SUN2: variants seen among roughly 807,000 people sequenced by gnomAD.
SUN2 encodes Sad1 and UNC84 domain containing 2, also known as SUN domain-containing protein 2.
Under a neutral mutation model 100.0 loss-of-function variants are expected in SUN2, and 60 were observed. That is an observed-to-expected ratio of 0.60 (90% CI 0.49 to 0.74). The LOEUF (loss-of-function observed/expected upper bound fraction) is 0.74, where lower values mean the gene tolerates loss of function less well. Among genes scored for constraint, SUN2 ranks in the 30% least tolerant of loss-of-function variants. The pLI is 0.00. For missense variants in SUN2, 834 were observed against 954.6 expected, an observed-to-expected ratio of 0.87 and a Z score of 1.66; for synonymous variants, 367 against 403.3, an observed-to-expected ratio of 0.91 and a Z score of 1.08.
Position 38,755,338 on chromosome 22 carries a change from T to A in SUN2, c.-38+425A>T, listed in dbSNP as rs758349110. 4.1e-5 allele frequency: 45 copies of A among 1,092,090 alleles called. No homozygotes were observed. The highest frequency in any genetic ancestry group is 5.0e-5 in the Non-Finnish European group (45 of 891,964). 67.6% of individuals were successfully genotyped at this position (1,092,090 alleles called of 1,614,324 possible). A position where few individuals can be genotyped will look rare whatever the true frequency, so the allele number is the denominator to read the frequency against. On this transcript the variant is annotated intron_variant, in intron 1 of 17. Coordinates refer to ENST00000689035, the MANE Select transcript of SUN2 (RefSeq NM_015374.3). The surrounding 1 kb of genome is among the most constrained non-coding windows in gnomAD (Gnocchi z 5.7). The stretch of plus-strand genomic sequence containing the variant: ...AGTCACACCGCGCCCCCCATTGCTT[T>A]GTTTTGTTTTGTTTTAGAACTGAAC...
intron 7 of SUN2, among the ~76,000 whole-genome samples, 190 bp downstream of exon 7, chr22:38,748,523 A>C: frequency 6.6e-6 from 1 of 152,176 alleles, no homozygotes; most frequent in East Asian, 1.9e-4. Flanking sequence ...GCTCCTGCCC[A>C]GGGCGGCACA....
chr22:38,740,266 C>A lies in SUN2; in HGVS notation c.1356+1G>T. The A allele has an allele frequency of 1.3e-6, 2 of 1,572,222 alleles. No homozygotes were observed. Among genetic ancestry groups the A allele is most frequent in the Admixed American group, 1.8e-5 (1 of 55,888 alleles). On this transcript the variant is annotated splice_donor_variant, in intron 12 of 17. Transcript: ENST00000689035. LOFTEE classifies it high-confidence loss of function. The surrounding 1 kb of genome is among the most constrained non-coding windows in gnomAD (Gnocchi z 4.8). Reference sequence around the variant, plus strand: ...GCAGGGCCCTGGTGGTTCCCACTCACGTCGTCCCGCACGGCCTGGATCTGC... The same window carrying A: ...GCAGGGCCCTGGTGGTTCCCACTCAAGTCGTCCCGCACGGCCTGGATCTGC...
chr22:38,749,841 A>G lies in SUN2; in HGVS notation c.539T>C (p.Leu180Pro), dbSNP rs2092930754. Residue 180 changes from leucine (L) to proline (P), a missense_variant, in exon 6 of 18, where the codon CTC (leucine) becomes CCC (proline). By Grantham distance (98) the Leu-to-Pro change is moderately conservative. Transcript: ENST00000689035. ...CCAGGTGGTGCCAGCCCACCAGTAGAGAAGTCTGAAGAGCCGGCCTGGAAG... is the reference window on the plus strand; with the variant it reads ...CCAGGTGGTGCCAGCCCACCAGTAGGGAAGTCTGAAGAGCCGGCCTGGAAG... Reference protein sequence around the residue: ...ATSPGRLFRLLYWWAGTTWYR... With the variant: ...ATSPGRLFRLPYWWAGTTWYR... 8 of 1,613,718 alleles carry G rather than the reference A, an allele frequency of 5.0e-6. No homozygotes were observed. The highest frequency in any genetic ancestry group is 6.8e-6 in the Non-Finnish European group (8 of 1,179,876).
rs569837469 is a variant in SUN2, at chr22:38,740,285, G to A, written c.1338C>T (p.Ile446=). ...AEEVGLLPQQ[I]QAVRDDVESQ... ...CACTCACGTCGTCCCGCACGGCCTG[G>A]ATCTGCTGGGGCAGCAGGCCCACTT... Residue 446 remains isoleucine (I), a synonymous_variant, in exon 12 of 18, where the codon ATC becomes ATT. Transcript: ENST00000689035. This position sits in a 1 kb window ranked among gnomAD's most constrained non-coding sequence, Gnocchi z 4.8. 16 of 1,600,204 alleles carry A rather than the reference G, an allele frequency of 1.0e-5. No homozygotes were observed. The highest frequency in any genetic ancestry group is 2.0e-4 in the Middle Eastern group (1 of 4,964).
chr22:38,749,087 G>GAA, intron 6 of SUN2: 1 of 336,578 alleles, frequency 3.0e-6, no homozygotes, highest in Non-Finnish European at 5.5e-6. Context: ...TGCAAATATA[G>GAA]AAAAAAAAAG....
chr22:38,743,582 C>T (rs966772304), intron 8 of SUN2: 10 of 101,726 alleles, frequency 9.8e-5, no homozygotes, highest in Non-Finnish European at 1.7e-4. Flanking sequence ...AGCAAGACTC[C>T]GTCTCAAAAA....
intron 9 of SUN2, 57 bp from the exon 10 acceptor site, chr22:38,741,628 A>C: frequency 5.7e-5 from 85 of 1,501,474 alleles, no homozygotes; most frequent in Non-Finnish European, 7.1e-5. Context: ...AGGGACCCTC[A>C]TGACTAGGAA....
At position 38,752,614 on chromosome 22, in the gene SUN2, GCTT is replaced by G. The variant is rs2092955219; in HGVS notation, c.12_14del (p.Arg4del). ...CCTGGGAGTAGCGCGTGAGGCGCTGGCTTCTTCGGGACATGATGAGGTGGGATG... is the reference window on the plus strand; with the variant it reads ...CCTGGGAGTAGCGCGTGAGGCGCTGGCTTCGGGACATGATGAGGTGGGATG... On this transcript the variant is annotated inframe_deletion, in exon 2 of 18. Coordinates refer to ENST00000689035, the MANE Select transcript of SUN2 (RefSeq NM_015374.3). 1 of 1,613,682 alleles carries G rather than the reference GCTT, an allele frequency of 6.2e-7. No individual in the cohort carries two copies. Among genetic ancestry groups the G allele is most frequent in the Non-Finnish European group, 8.5e-7 (1 of 1,179,954 alleles).
Position 38,738,768 on chromosome 22 carries a change from A to C in SUN2, c.1780-14T>G, listed in dbSNP as rs375644527. The C allele has an allele frequency of 1.2e-6, 2 of 1,612,468 alleles. No homozygotes were observed. The highest frequency in any genetic ancestry group is 1.7e-6 in the Non-Finnish European group (2 of 1,179,278). On this transcript the variant is annotated splice_polypyrimidine_tract_variant and intron_variant, in intron 15 of 17. Coordinates refer to ENST00000689035, the MANE Select transcript of SUN2 (RefSeq NM_015374.3). The surrounding 1 kb of genome is among the most constrained non-coding windows in gnomAD (Gnocchi z 6.6). ...GTGCACATCTGGCTGGAGGAGCAGA[A>C]AGTCATGTCAGGACAGGGCCCTGAG...
intron 6 of SUN2, 127 bp downstream of exon 6, chr22:38,749,639 G>A (rs761571218): frequency 2.1e-5 from 18 of 844,254 alleles, no homozygotes; most frequent in Non-Finnish European, 2.4e-5. Flanking sequence ...CTCCGTGATC[G>A]CTAATAAAGG....
Position 38,739,104 on chromosome 22 carries a change from C to A in SUN2, c.1664-116G>T, listed in dbSNP as rs2092832370. 11 of 1,108,084 alleles carry A rather than the reference C, an allele frequency of 9.9e-6. No individual in the cohort carries two copies. The highest frequency in any genetic ancestry group is 1.5e-5 in the Non-Finnish European group (11 of 750,898). 68.6% of individuals were successfully genotyped at this position (1,108,084 alleles called of 1,614,324 possible). On this transcript the variant is annotated intron_variant, in intron 14 of 17. Transcript: ENST00000689035. This position sits in a 1 kb window ranked among gnomAD's most constrained non-coding sequence, Gnocchi z 6.7. ...CAGATGCCCCAGGCCTAGCCTTTAA[C>A]CCTAACCGAGATGCTCAGAGCAGCT...
chr22:38,747,111 C>G (rs1435920515), intron 7 of SUN2, among the ~76,000 whole-genome samples: 4 of 152,138 alleles, frequency 2.6e-5, no homozygotes, highest in African/African-American at 9.7e-5. Context: ...GCAGGTGGAT[C>G]ACTTGAGGTC....
Position 38,739,238 on chromosome 22 carries a change from C to A in SUN2, c.1663+104G>T. The A allele has an allele frequency of 2.3e-6, 3 of 1,316,894 alleles. No homozygotes were observed. The highest frequency in any genetic ancestry group is 3.3e-6 in the Non-Finnish European group (3 of 913,476). 81.6% of individuals were successfully genotyped at this position (1,316,894 alleles called of 1,614,324 possible). A position where few individuals can be genotyped will look rare whatever the true frequency, so the allele number is the denominator to read the frequency against. On this transcript the variant is annotated intron_variant, in intron 14 of 17. Transcript: ENST00000689035. This position sits in a 1 kb window ranked among gnomAD's most constrained non-coding sequence, Gnocchi z 6.7. ...ACTAGGTTGGGTGATTTCTGCTGAT[C>A]CTGAGCTTTGCTTGCTCTGCCCCAC...
chr22:38,741,026 G>GC lies in SUN2; in HGVS notation c.1170dup (p.Leu391AlafsTer151). 6.3e-7 allele frequency: 1 copy of GC among 1,597,990 alleles called. No homozygotes were observed. On this transcript the variant is annotated frameshift_variant, in exon 11 of 18. Coordinates refer to ENST00000689035, the MANE Select transcript of SUN2 (RefSeq NM_015374.3). LOFTEE classifies it high-confidence loss of function. ...CAGTACCTTTGCCACTCTGACTTCA[G>GC]CTGCTGGATGCGAGCCTCGGACTCC...
intron 9 of SUN2, 140 bp downstream of exon 9, chr22:38,742,156 AAAAAG>A: frequency 4.4e-6 from 5 of 1,123,758 alleles, no homozygotes; most frequent in African/African-American, 1.6e-5. Context: ...AAGAAAAAAA[AAAAAG>A]AAAAAAAGAG....
rs2092828198 is a variant in SUN2 at position 38,738,671 on chromosome 22, G to A, written c.1863C>T (p.Pro621=). The stretch of plus-strand genomic sequence containing the variant: ...GCACATGCTCTAAGGTAACGGCTGT[G>A]GGGCGGATGCGGGCAGAGAGGCGGA... ...AVVRLSARIR[P]TAVTLEHVPK... The change falls in exon 16 of 18, where the codon CCC becomes CCT. Residue 621 remains proline (P), a synonymous_variant. Coordinates refer to ENST00000689035, the MANE Select transcript of SUN2 (RefSeq NM_015374.3). This position sits in a 1 kb window ranked among gnomAD's most constrained non-coding sequence, Gnocchi z 6.6. The A allele has an allele frequency of 1.2e-6, 2 of 1,613,974 alleles. No homozygotes were observed.
rs1305439609 is a variant in SUN2, at chr22:38,750,971, C to T, written c.351G>A (p.Gly117=). ...TGGSESSRAS[G]LVGRKATEDF... is the part of the protein sequence containing the mutation. ...CCTCGGTGGCCTTGCGCCCCACAAG[C>T]CCGCTGGCCCTGCTGCTCTCTGAGC... Residue 117 remains glycine, a synonymous_variant, in exon 4 of 18, where the codon GGG becomes GGA. Transcript: ENST00000689035. The T allele has an allele frequency of 6.2e-7, 1 of 1,613,812 alleles. No individual in the cohort carries two copies. Among genetic ancestry groups the T allele is most frequent in the African/African-American group, 1.3e-5 (1 of 74,948 alleles).
chr22:38,741,450 G>T, intron 10 of SUN2, 44 bp downstream of exon 10: 1 of 1,582,240 alleles, frequency 6.3e-7, no homozygotes, highest in East Asian at 2.2e-5. Context: ...GTTGGATGGG[G>T]TCAGGACCCA....
Position 38,735,564 on chromosome 22 carries a change from C to T in SUN2, c.*703G>A, listed in dbSNP as rs1603208660. 1 of 228,376 alleles carries T rather than the reference C, an allele frequency of 4.4e-6. No individual in the cohort carries two copies. The highest frequency in any genetic ancestry group is 4.7e-5 in the South Asian group (1 of 21,210). The allele number at this position is 228,376 out of a possible 1,614,324, so 14.1% of individuals were successfully genotyped here. A position where few individuals can be genotyped will look rare whatever the true frequency, so the allele number is the denominator to read the frequency against. On this transcript the variant is annotated 3_prime_UTR_variant, in exon 18 of 18. Transcript: ENST00000689035. ...CAGGAGAGAGAAAAGCAACTACCGT[C>T]CCCAGCAGAGGGGAAGCCTACAGGG...
Sources: gnomAD v4.1 joint callset for allele counts (sites outside exome capture counted in the v4.1 genomes callset) on GRCh38, gnomAD v4.1.1 for gene constraint, Gnocchi (gnomAD v3.1) non-coding constraint, MANE v1.5 for transcripts, NCBI Gene and HGNC (gene_info 2026-07-23, HGNC 2026-07-21) for gene names.